EML1: variants seen among roughly 807,000 people sequenced by gnomAD.
EML1 encodes EMAP like 1, also known as echinoderm microtubule-associated protein-like 1.
A neutral mutation model predicts 110.4 loss-of-function variants in EML1; 27 were observed. The ratio of observed to expected loss-of-function variants is 0.24; its 90% CI spans 0.18 to 0.34. The LOEUF (loss-of-function observed/expected upper bound fraction) is 0.34, where lower values mean the gene tolerates loss of function less well. Ranked by LOEUF, EML1 falls within the 10% of genes least tolerant of loss-of-function variation. The pLI is 1.00. For missense variants in EML1, 741 were observed against 1,030.9 expected (o/e 0.72, Z 3.85); for synonymous variants, 344 against 385.8 (o/e 0.89, Z 1.27).
chr14:99,928,502 G>A (rs2060308763), intron 17 of EML1, among the ~76,000 whole-genome samples: 1 of 151,982 alleles, frequency 6.6e-6, no homozygotes, highest in Non-Finnish European at 1.5e-5. Flanking sequence ...TGGGTGTTAG[G>A]AGTGCTTGTT....
intron 1 of EML1, among the ~76,000 whole-genome samples, chr14:99,830,914 A>T (rs920613540): frequency 6.6e-5 from 10 of 152,162 alleles, no homozygotes; most frequent in African/African-American, 2.4e-4. Flanking sequence ...AACTGTCCAG[A>T]CCGGGCCCTT....
intron 1 of EML1, among the ~76,000 whole-genome samples, chr14:99,837,735 A>G (rs2058563382): frequency 6.6e-6 from 1 of 152,110 alleles, no homozygotes; most frequent in African/African-American, 2.4e-5. Context: ...TTCTTGGAAA[A>G]CTAGGTTTCT....
At chr14:99,780,280 C>T (rs1186541882) in intron 1 of EML1, among the ~76,000 whole-genome samples, 1 of 152,018 alleles carries the variant, frequency 6.6e-6, no homozygotes, top group Non-Finnish European at 1.5e-5. Flanking sequence ...CAGTTCAGTC[C>T]ACAGCAGTTT....
intron 1 of EML1, among the ~76,000 whole-genome samples, chr14:99,813,909 G>A (rs1489787884): frequency 6.6e-6 from 1 of 152,130 alleles, no homozygotes; most frequent in African/African-American, 2.4e-5. Flanking sequence ...CTGCCAGGAG[G>A]TTGCTGGTGC....
intron 3 of EML1, among the ~76,000 whole-genome samples, chr14:99,868,751 A>T (rs1456516499): frequency 6.6e-6 from 1 of 152,076 alleles, no homozygotes; most frequent in East Asian, 1.9e-4. Flanking sequence ...TTTTTAAAAA[A>T]AACAATTCTT....
At chr14:99,899,900 G>A (rs949335048) in intron 8 of EML1, among the ~76,000 whole-genome samples, 7 of 152,060 alleles carry the variant, frequency 4.6e-5, no homozygotes, top group Non-Finnish European at 1.0e-4. Context: ...AATCCAGAGA[G>A]GCCTAGTGAA....
intron 6 of EML1, among the ~76,000 whole-genome samples, chr14:99,896,187 A>G (rs948953471): frequency 6.6e-6 from 1 of 152,214 alleles, no homozygotes; most frequent in African/African-American, 2.4e-5. Context: ...TTCACCTTCA[A>G]ATATTTGAGT....
intron 2 of EML1, among the ~76,000 whole-genome samples, chr14:99,853,721 G>A (rs1457534702): frequency 6.6e-6 from 1 of 152,196 alleles, no homozygotes; most frequent in Non-Finnish European, 1.5e-5. Context: ...CCAAGCTGGA[G>A]TGCAGTGGCG....
chr14:99,814,933 G>A, intron 1 of EML1, among the ~76,000 whole-genome samples: 1 of 152,158 alleles, frequency 6.6e-6, no homozygotes, highest in East Asian at 1.9e-4. Context: ...TGGATTTACA[G>A]ATAGAACAGC....
intron 1 of EML1, among the ~76,000 whole-genome samples, chr14:99,841,834 G>A (rs925531011): frequency 5.9e-5 from 9 of 152,160 alleles, no homozygotes; most frequent in Non-Finnish European, 1.3e-4. Context: ...CCAATACTGA[G>A]ATAGAGACAC....
chr14:99,927,532 T>G (rs574013658), intron 17 of EML1, among the ~76,000 whole-genome samples: 5 of 152,158 alleles, frequency 3.3e-5, no homozygotes, highest in Non-Finnish European at 7.4e-5. Context: ...AGTGCCTAGA[T>G]CCATAAAGGT....
At chr14:99,816,996 G>C (rs966259440) in intron 1 of EML1, among the ~76,000 whole-genome samples, 1 of 152,168 alleles carries the variant, frequency 6.6e-6, no homozygotes, top group Non-Finnish European at 1.5e-5. Flanking sequence ...TATCAAAAAA[G>C]CACATGGGTT....
chr14:99,914,914 A>G, intron 15 of EML1: 1 of 582,930 alleles, frequency 1.7e-6, no homozygotes, highest in East Asian at 3.5e-5. Context: ...TTACTGTTGA[A>G]ATTTTCTGAC....
chr14:99,840,884 G>C (rs978471270), intron 1 of EML1, among the ~76,000 whole-genome samples: 1 of 152,190 alleles, frequency 6.6e-6, no homozygotes. Context: ...TACAGTAAGA[G>C]AAAAAGTAAT....
At chr14:99,778,889 T>C (rs544343335) in intron 1 of EML1, among the ~76,000 whole-genome samples, 2 of 152,340 alleles carry the variant, frequency 1.3e-5, no homozygotes, top group African/African-American at 4.8e-5. Flanking sequence ...GTTGTTTCTC[T>C]CTAGAAGCTT....
In EML1 at chr14:99,802,101, T is replaced by G. The variant is rs373715770; in HGVS notation, c.67+8558T>G. ...AAGAGAGGCATCCGTGAGAGCGTCT[T>G]TCTAGTCTGCTCACTGCAGGCGGGT... is the stretch of plus-strand genomic sequence containing the variant. On this transcript the variant is annotated intron_variant, in intron 1 of 21. Coordinates refer to ENST00000262233, the MANE Select transcript of EML1 (RefSeq NM_004434.3). Among the ~76,000 whole-genome samples the G allele has an allele frequency of 4.6e-5, 7 of 152,068 alleles. No homozygotes were observed. In the East Asian group the frequency reaches 7.7e-4, roughly 17 times the overall value.
chr14:99,873,402 G>A (rs550577427), intron 3 of EML1, among the ~76,000 whole-genome samples: 2 of 152,210 alleles, frequency 1.3e-5, no homozygotes, highest in South Asian at 2.1e-4. Flanking sequence ...GGTACATAGC[G>A]TGATTTGAAG....
chr14:99,741,923 C>T lies in EML1; in HGVS notation c.28+4063C>T, dbSNP rs146027305. On this transcript the variant is annotated intron_variant, in intron 1 of 10. Transcript: ENST00000554479. ...GAGATGACCTGGTGAATCGTGCCAA[C>T]GTGGCCCCCTGCCCTGCTCGTAGGA... is the stretch of plus-strand genomic sequence containing the variant. 5.4e-3 allele frequency among the ~76,000 whole-genome samples: 829 copies of T among 152,266 alleles called. 16 individuals carry two copies. Among genetic ancestry groups the T allele is most frequent in the Admixed American group, 0.035 (532 of 15,302 alleles).
chr14:99,739,089 T>TGAGA (rs879499788), intron 1 of EML1, among the ~76,000 whole-genome samples: 82 of 134,038 alleles, frequency 6.1e-4, no homozygotes, highest in African/African-American at 2.1e-3. Flanking sequence ...TGTGTGTGTG[T>TGAGA]GTGAGAGAGA....
Sources: gnomAD v4.1 joint callset for allele counts (sites outside exome capture counted in the v4.1 genomes callset) on GRCh38, gnomAD v4.1.1 for gene constraint, MANE v1.5 for transcripts, NCBI Gene and HGNC (gene_info 2026-07-23, HGNC 2026-07-21) for gene names.